Variants in ZCCHC17 observed in about 807,000 individuals in gnomAD.
The protein encoded by ZCCHC17 is zinc finger CCHC domain-containing protein 17.
Under a neutral mutation model 30.6 loss-of-function variants are expected in ZCCHC17, and 18 were observed. That is an observed-to-expected ratio of 0.59 (90% confidence interval 0.41 to 0.87). The LOEUF is 0.87. Among genes scored for constraint, ZCCHC17 ranks in the 40% least tolerant of loss-of-function variants. The probability of loss-of-function intolerance (pLI) is 0.00; values close to 1 mark genes in which losing one functional copy is unlikely to be tolerated. For missense variants in ZCCHC17, 263 were observed against 284.2 expected (o/e 0.93, Z 0.54); for synonymous variants, 88 against 92.4 (o/e 0.95, Z 0.27).
Position 31,338,310 on chromosome 1 carries a change from C to G in ZCCHC17, c.226-647C>G, listed in dbSNP as rs115550232. Among the ~76,000 whole-genome samples the G allele has an allele frequency of 8.8e-3, 1,341 of 151,868 alleles. 16 individuals are homozygous for G. The highest frequency in any genetic ancestry group is 0.01 in the Non-Finnish European group (703 of 67,954). Reference sequence around the variant, plus strand: ...AAGACAAATATACATAAAATAATTGCAAGTTATATTAAGTGCTATATTGGG... The same window carrying G: ...AAGACAAATATACATAAAATAATTGGAAGTTATATTAAGTGCTATATTGGG... On this transcript the variant is annotated intron_variant, in intron 4 of 7. Coordinates refer to ENST00000344147, the MANE Select transcript of ZCCHC17 (RefSeq NM_016505.4).
intron 3 of ZCCHC17, among the ~76,000 whole-genome samples, chr1:31,334,713 C>T (rs1292142387): frequency 6.6e-6 from 1 of 152,046 alleles, no homozygotes; most frequent in Non-Finnish European, 1.5e-5. Flanking sequence ...TAGATACCTA[C>T]AGTACTTGAT....
chr1:31,350,235 T>C (rs943063597), intron 7 of ZCCHC17, among the ~76,000 whole-genome samples: 6 of 152,228 alleles, frequency 3.9e-5, no homozygotes, highest in African/African-American at 1.4e-4. Context: ...TTTAAATCTT[T>C]GGCAAACTTT....
intron 5 of ZCCHC17, among the ~76,000 whole-genome samples, chr1:31,340,315 G>GT (rs71028757): frequency 0.018 from 1,720 of 95,088 alleles, 74 homozygotes; most frequent in African/African-American, 0.053. Context: ...ATCTTGGAGG[G>GT]TTTTTTTTTT....
intron 2 of ZCCHC17, among the ~76,000 whole-genome samples, chr1:31,314,809 G>A (rs1314346373): frequency 1.3e-5 from 2 of 152,082 alleles, no homozygotes; most frequent in African/African-American, 4.8e-5. Context: ...TGGGATTACA[G>A]GCGCATGCCA....
intron 5 of ZCCHC17, 25 bp from the exon 6 acceptor site, chr1:31,346,615 G>C (rs372178545): frequency 1.6e-5 from 25 of 1,589,546 alleles, no homozygotes; most frequent in Non-Finnish European, 2.1e-5. Flanking sequence ...AAGGGGGCCG[G>C]CAGTCGGTAT....
intron 1 of ZCCHC17, among the ~76,000 whole-genome samples, chr1:31,308,791 TATCTCAGGTAAC>T (rs1369391205): frequency 2.0e-5 from 3 of 152,228 alleles, no homozygotes; most frequent in African/African-American, 7.2e-5. Flanking sequence ...GAAAATGCAT[TATCTCAGGTAAC>T]ACCTCAGACC....
chr1:31,304,406 C>T (rs530885924), intron 1 of ZCCHC17, among the ~76,000 whole-genome samples: 42 of 151,808 alleles, frequency 2.8e-4, no homozygotes, highest in African/African-American at 1.0e-3. Context: ...GTCTCAGTCT[C>T]CCGAGTAGCT....
At chr1:31,330,785 G>A (rs868611108) in intron 3 of ZCCHC17, among the ~76,000 whole-genome samples, 1 of 152,166 alleles carries the variant, frequency 6.6e-6, no homozygotes, top group African/African-American at 2.4e-5. Context: ...ATGGATGGAT[G>A]TAGTATATAT....
intron 3 of ZCCHC17, among the ~76,000 whole-genome samples, chr1:31,323,902 G>C (rs1026580219): frequency 6.6e-6 from 1 of 152,162 alleles, no homozygotes; most frequent in African/African-American, 2.4e-5. Flanking sequence ...ATTCTTTGAA[G>C]AATTTAGTGT....
chr1:31,313,352 G>A (rs188909669), intron 2 of ZCCHC17, among the ~76,000 whole-genome samples: 8 of 152,284 alleles, frequency 5.3e-5, no homozygotes, highest in Admixed American at 2.6e-4. Flanking sequence ...GGGATCAGGC[G>A]TGAGCCATCG....
intron 5 of ZCCHC17, among the ~76,000 whole-genome samples, chr1:31,346,145 G>A (rs939475234): frequency 6.6e-6 from 1 of 152,138 alleles, no homozygotes; most frequent in Non-Finnish European, 1.5e-5. Context: ...AGTCAAGTGG[G>A]GAAACAGAGC....
chr1:31,338,097 G>A (rs1328404242), intron 4 of ZCCHC17, among the ~76,000 whole-genome samples: 2 of 148,514 alleles, frequency 1.3e-5, no homozygotes, highest in Non-Finnish European at 3.0e-5. Flanking sequence ...AGCCTCCTGA[G>A]TATCTGGGAC....
chr1:31,326,032 C>T (rs1468107371), intron 3 of ZCCHC17, among the ~76,000 whole-genome samples: 1 of 151,656 alleles, frequency 6.6e-6, no homozygotes, highest in Non-Finnish European at 1.5e-5. Context: ...GGAAAGAAGT[C>T]TAAGATAATA....
intron 3 of ZCCHC17, among the ~76,000 whole-genome samples, chr1:31,325,375 G>A (rs1040681186): frequency 4.6e-5 from 7 of 152,242 alleles, no homozygotes; most frequent in Non-Finnish European, 7.3e-5. Context: ...AGATCCAAGG[G>A]CTCCCTGAGC....
At chr1:31,357,756 TTTC>T (rs1479029399) in intron 7 of ZCCHC17, among the ~76,000 whole-genome samples, 1 of 140,538 alleles carries the variant, frequency 7.1e-6, no homozygotes, top group African/African-American at 2.9e-5. Context: ...AGGCCAGGCC[TTTC>T]TTTTTTTTTT....
chr1:31,354,538 G>C (rs1639576192), intron 7 of ZCCHC17, among the ~76,000 whole-genome samples: 1 of 152,018 alleles, frequency 6.6e-6, no homozygotes, highest in South Asian at 2.1e-4. Context: ...GATTCTATTT[G>C]TATGTTCCAA....
chr1:31,346,983 A>T (rs562852865), intron 6 of ZCCHC17, among the ~76,000 whole-genome samples: 14 of 152,212 alleles, frequency 9.2e-5, no homozygotes, highest in African/African-American at 3.4e-4. Context: ...CCCCACCCAC[A>T]GCATATGCCT....
chr1:31,340,206 C>T (rs1350079419), intron 5 of ZCCHC17, among the ~76,000 whole-genome samples: 1 of 151,736 alleles, frequency 6.6e-6, no homozygotes, highest in East Asian at 1.9e-4. Context: ...ACCTTGGTCT[C>T]CTAAGTGCTG....
chr1:31,318,799 A>G (rs572177881), intron 2 of ZCCHC17, among the ~76,000 whole-genome samples: 5 of 152,246 alleles, frequency 3.3e-5, no homozygotes, highest in South Asian at 4.1e-4. Context: ...GGTAATATCA[A>G]TATGTTCCCT....
Sources: gnomAD v4.1 joint callset for allele counts (sites outside exome capture counted in the v4.1 genomes callset) on GRCh38, gnomAD v4.1.1 for gene constraint, MANE v1.5 for transcripts, NCBI Gene and HGNC (gene_info 2026-07-23, HGNC 2026-07-21) for gene names.